ITGB6: variants seen among roughly 807,000 people sequenced by gnomAD.
ITGB6 encodes integrin beta-6.
A neutral mutation model predicts 84.5 loss-of-function variants in ITGB6; 80 were observed. That is an observed-to-expected ratio of 0.95 (90% CI 0.79 to 1.14). The LOEUF (loss-of-function observed/expected upper bound fraction) is 1.14, where lower values mean the gene tolerates loss of function less well. Ranked by LOEUF, ITGB6 falls within the 50% of genes most tolerant of loss-of-function variation. The pLI, the probability that ITGB6 is intolerant of heterozygous loss-of-function variation, is 0.00. For missense variants in ITGB6, 1,006 were observed against 968.0 expected (o/e 1.04, Z -0.52); for synonymous variants, 383 against 354.9 (o/e 1.08, Z -0.89).
chr2:160,147,215 C>T (rs1293675999), intron 7 of ITGB6, among the ~76,000 whole-genome samples: 1 of 152,020 alleles, frequency 6.6e-6, no homozygotes, highest in African/African-American at 2.4e-5. Flanking sequence ...AACCAGCTCC[C>T]TAGTATCTTC....
At chr2:160,150,774 T>C (rs1485473468) in intron 7 of ITGB6, among the ~76,000 whole-genome samples, 1 of 151,426 alleles carries the variant, frequency 6.6e-6, no homozygotes, top group Non-Finnish European at 1.5e-5. Context: ...ACAAAGCAAA[T>C]GGAAAGCAAA....
At chr2:160,197,110 G>T (rs902219623) in intron 2 of ITGB6, among the ~76,000 whole-genome samples, 1 of 152,154 alleles carries the variant, frequency 6.6e-6, no homozygotes, top group Middle Eastern at 3.4e-3. Context: ...CTTTCTCCAA[G>T]ATTTGAAAGT....
At position 160,195,548 on chromosome 2, in the gene ITGB6, G is replaced by A. The variant is rs1574150252; in HGVS notation, c.414C>T (p.Leu138=). 3.7e-6 allele frequency: 6 copies of A among 1,614,176 alleles called. No homozygotes were observed. Among genetic ancestry groups the A allele is most frequent in the Non-Finnish European group, 5.1e-6 (6 of 1,180,002 alleles). Residue 138 remains leucine (L), a synonymous_variant, in exon 4 of 15, where the codon CTC becomes CTT. Transcript: ENST00000283249. ...TEDYPVDLYY[L]MDLSASMDDD... is the part of the protein sequence containing the mutation. ...CATCCATGGAGGCGGAGAGGTCCAT[G>A]AGGTAATACAAATCCACCGGGTAGT...
rs1482484963 is a variant in ITGB6, at chr2:160,196,396, C to T, written c.166G>A (p.Gly56Ser). ...TTTGCTGGGGTATCACACCTTTCGCCAACTCCAGATGGATGAGTAAAATTC... is the reference window on the plus strand; with the variant it reads ...TTTGCTGGGGTATCACACCTTTCGCTAACTCCAGATGGATGAGTAAAATTC... ...QENFTHPSGV[G>S]ERCDTPANLL... Residue 56 changes from glycine to serine, a missense_variant, in exon 3 of 15, where the codon GGC (glycine) becomes AGC (serine). By Grantham distance (56) the Gly-to-Ser change is moderately conservative. Coordinates refer to ENST00000283249, the MANE Select transcript of ITGB6 (RefSeq NM_000888.5). 6.2e-7 allele frequency: 1 copy of T among 1,613,518 alleles called. No homozygotes were observed. Among genetic ancestry groups the T allele is most frequent in the Admixed American group, 1.7e-5 (1 of 59,988 alleles).
intron 12 of ITGB6, among the ~76,000 whole-genome samples, chr2:160,121,248 G>A (rs1683025393): frequency 6.6e-6 from 1 of 151,974 alleles, no homozygotes; most frequent in Admixed American, 6.6e-5. Flanking sequence ...GATAAGTTTG[G>A]GAATCCTCTA....
intron 10 of ITGB6, among the ~76,000 whole-genome samples, chr2:160,136,473 C>T (rs1378599773): frequency 6.6e-6 from 1 of 152,138 alleles, no homozygotes; most frequent in Non-Finnish European, 1.5e-5. Context: ...CTAGTTCAAC[C>T]ATTGTGGAAG....
chr2:160,109,092 C>T (rs1252891637), intron 13 of ITGB6, among the ~76,000 whole-genome samples: 1 of 152,190 alleles, frequency 6.6e-6, no homozygotes, highest in Non-Finnish European at 1.5e-5. Context: ...GAGTTATACA[C>T]ATATGACTAG....
chr2:160,152,130 C>T (rs749439003), intron 7 of ITGB6, among the ~76,000 whole-genome samples: 14 of 152,128 alleles, frequency 9.2e-5, no homozygotes, highest in Admixed American at 2.0e-4. Context: ...CAAAGGCTGG[C>T]AGAGACACAA....
At chr2:160,181,089 C>T (rs189098199) in intron 4 of ITGB6, among the ~76,000 whole-genome samples, 1 of 152,132 alleles carries the variant, frequency 6.6e-6, no homozygotes, top group Non-Finnish European at 1.5e-5. Context: ...AGCTAGCTGC[C>T]GGAGTTTTTT....
chr2:160,104,684 T>C (rs1696841734), intron 14 of ITGB6, among the ~76,000 whole-genome samples: 3 of 152,168 alleles, frequency 2.0e-5, no homozygotes, highest in Admixed American at 2.0e-4. Context: ...GCAAGAAATG[T>C]CAGGCTGAAC....
chr2:160,116,492 CT>C, intron 12 of ITGB6, among the ~76,000 whole-genome samples: 1 of 152,122 alleles, frequency 6.6e-6, no homozygotes, highest in Non-Finnish European at 1.5e-5. Flanking sequence ...CAGGCCTACC[CT>C]AAAAGAGCTC....
At chr2:160,139,889 G>A (rs1198571268) in intron 8 of ITGB6, among the ~76,000 whole-genome samples, 1 of 152,134 alleles carries the variant, frequency 6.6e-6, no homozygotes, top group Admixed American at 6.6e-5. Flanking sequence ...AAGAAAATTA[G>A]TGAATGATGA....
rs1372574797 is a variant in ITGB6, at chr2:160,120,694, A to C, written c.1981+3097T>G. On this transcript the variant is annotated intron_variant, in intron 12 of 14. Coordinates refer to ENST00000283249, the MANE Select transcript of ITGB6 (RefSeq NM_000888.5). Reference sequence around the variant, plus strand: ...AAAAAAAAAAAAAAAAAAAAAAGAAAATGTGGCACACATACACCATGGAAT... The same window carrying C: ...AAAAAAAAAAAAAAAAAAAAAAGAACATGTGGCACACATACACCATGGAAT... Among the ~76,000 whole-genome samples the C allele has an allele frequency of 2.9e-5, 2 of 69,002 alleles. 1 individual carries two copies. The highest frequency in any genetic ancestry group is 6.1e-5 in the Non-Finnish European group (2 of 32,572). 45.3% of individuals were successfully genotyped at this position (69,002 alleles called of 152,430 possible).
chr2:160,113,353 T>C lies in ITGB6; in HGVS notation c.1982-1154A>G, dbSNP rs1423870783. Among the ~76,000 whole-genome samples the C allele has an allele frequency of 3.3e-5, 5 of 152,210 alleles. No individual in the cohort carries two copies. The East Asian group carries it at 9.6e-4, about 29-fold the overall frequency. ...AAAATGCCATAGCCATAGATAGAAA[T>C]ATTAAGTTGCTGTTTGCTGTCTTTA... is the stretch of plus-strand genomic sequence containing the variant. On this transcript the variant is annotated intron_variant, in intron 12 of 14. Transcript: ENST00000283249.
At chr2:160,167,897 GGAGA>G (rs1213635242) in intron 7 of ITGB6, among the ~76,000 whole-genome samples, 1 of 152,124 alleles carries the variant, frequency 6.6e-6, no homozygotes, top group Non-Finnish European at 1.5e-5. Flanking sequence ...GCCTTGCTGT[GGAGA>G]AGGTGTTGTG....
chr2:160,148,064 A>T (rs956997405), intron 7 of ITGB6, among the ~76,000 whole-genome samples: 26 of 152,224 alleles, frequency 1.7e-4, no homozygotes, highest in African/African-American at 6.0e-4. Flanking sequence ...TGCAAAATAC[A>T]CATCTACTAC....
chr2:160,175,967 T>C (rs79658340), intron 4 of ITGB6, among the ~76,000 whole-genome samples: 4,031 of 152,272 alleles, frequency 0.026, 70 homozygotes, highest in South Asian at 0.076. Context: ...AGAATGATCA[T>C]GGACTCTTTC....
chr2:160,190,886 A>G lies in ITGB6; in HGVS notation c.593+4483T>C, dbSNP rs11889074. On this transcript the variant is annotated intron_variant, in intron 4 of 14. Coordinates refer to ENST00000283249, the MANE Select transcript of ITGB6 (RefSeq NM_000888.5). ...TTATTATTGTACTACATGTTGCTACATCGTACCTGATCTGTGACATGAGGA... is the reference window on the plus strand; with the variant it reads ...TTATTATTGTACTACATGTTGCTACGTCGTACCTGATCTGTGACATGAGGA... Among the ~76,000 whole-genome samples the G allele has an allele frequency of 6.2e-3, 946 of 152,284 alleles. 2 individuals carry two copies. Among genetic ancestry groups the G allele is most frequent in the African/African-American group, 0.021 (893 of 41,558 alleles).
At chr2:160,119,168 T>G (rs1682913904) in intron 12 of ITGB6, among the ~76,000 whole-genome samples, 1 of 152,154 alleles carries the variant, frequency 6.6e-6, no homozygotes, top group Non-Finnish European at 1.5e-5. Context: ...AAAACTACTT[T>G]AAAGTTCATA....
Sources: allele counts gnomAD v4.1 joint callset (sites outside exome capture counted in the v4.1 genomes callset), GRCh38; gene constraint gnomAD v4.1.1; transcripts MANE v1.5; gene names NCBI Gene and HGNC (gene_info 2026-07-23, HGNC 2026-07-21).